The following AMBN variants were observed in gnomAD, a reference collection of about 807,000 sequenced individuals.
AMBN encodes the protein ameloblastin, also known as enamel matrix protein.
AMBN carries 54 observed loss-of-function variants against 48.0 expected under a neutral mutation model. That is an observed-to-expected ratio of 1.12 (90% CI 0.90 to 1.41). The LOEUF (loss-of-function observed/expected upper bound fraction) is 1.41, where lower values mean the gene tolerates loss of function less well. AMBN is among the 40% of genes most tolerant of loss of function. The pLI is 0.00. For missense variants in AMBN, 571 were observed against 547.3 expected (o/e 1.04, Z -0.43); for synonymous variants, 186 against 190.0 (o/e 0.98, Z 0.17).
At chr4:70,598,167 G>C (rs569712208) in intron 3 of AMBN, among the ~76,000 whole-genome samples, 189 bp from the exon 4 acceptor site, 1 of 152,122 alleles carries the variant, frequency 6.6e-6, no homozygotes, top group Non-Finnish European at 1.5e-5. Flanking sequence ...TATTTTAATA[G>C]CAATAATAAT....
rs1321574791 is a variant in AMBN at position 70,603,882 on chromosome 4, C to G, written c.759C>G (p.Ala253=). The part of the protein sequence containing the change: ...YVPFGANQLN[A]PARLGIMSSE... ...CAATATTTCTTTTTGAACAGAATGC[C>G]CCTGCCAGACTTGGCATCATGAGTT... is the stretch of plus-strand genomic sequence containing the variant. The change falls in exon 12 of 13, where the codon GCC becomes GCG. Residue 253 remains alanine (A), a synonymous_variant. Transcript: ENST00000322937. 79 of 1,613,756 alleles carry G rather than the reference C, an allele frequency of 4.9e-5. No individual in the cohort carries two copies. The highest frequency in any genetic ancestry group is 1.6e-4 in the Middle Eastern group (1 of 6,082).
In AMBN at chr4:70,599,571, T is replaced by C. The variant is rs1737470776; in HGVS notation, c.219T>C (p.Ser73=). 3.7e-6 allele frequency: 6 copies of C among 1,613,532 alleles called. No homozygotes were observed. Among genetic ancestry groups the C allele is most frequent in the Non-Finnish European group, 5.1e-6 (6 of 1,179,720 alleles). Residue 73 remains serine, a synonymous_variant, in exon 5 of 13, where the codon TCT becomes TCC. Coordinates refer to ENST00000322937, the MANE Select transcript of AMBN (RefSeq NM_016519.6). ...ACGGCTTTGGAAAATCATTTAATTC[T>C]TTGTGGATGCACGGTCTCCTCCCAC... The part of the protein sequence containing the change: ...SRYGFGKSFN[S]LWMHGLLPPH...
rs142316020 is a variant in AMBN, at chr4:70,592,267, AGCAAGTCCCAC to A, written c.-88_-78del. 0.031 allele frequency: 39,631 copies of A among 1,294,336 alleles called. 662 individuals are homozygous for A. The highest frequency in any genetic ancestry group is 0.036 in the Non-Finnish European group (32,074 of 898,420). 80.2% of individuals were successfully genotyped at this position (1,294,336 alleles called of 1,614,324 possible). On this transcript the variant is annotated 5_prime_UTR_variant, in exon 1 of 13. Transcript: ENST00000322937. ...AATCTTCCCTGAATGAGAAGTACAG[AGCAAGTCCCAC>A]GCACAGTCCTGAAAAAAATTTTAAT...
chr4:70,603,393 G>A, intron 10 of AMBN, 23 bp from the exon 11 acceptor site: 2 of 1,613,426 alleles, frequency 1.2e-6, no homozygotes, highest in Non-Finnish European at 1.7e-6. Context: ...TGCATTTTGT[G>A]ATAATGATTG....
At chr4:70,603,596 A>G in intron 11 of AMBN, 136 bp downstream of exon 11, 2 of 930,980 alleles carry the variant, frequency 2.1e-6, no homozygotes, top group Non-Finnish European at 3.2e-6. Context: ...TGAAATATTA[A>G]GGAGGCAAAC....
rs766064153 is a variant in AMBN, at chr4:70,606,173, T to G, written c.799-12T>G. Reference sequence around the variant, plus strand: ...TGATGATGGCATCTTTGACGAATGTTTTTTTTTCCAGGGCGGGAGAGAAGA... The same window carrying G: ...TGATGATGGCATCTTTGACGAATGTGTTTTTTTCCAGGGCGGGAGAGAAGA... On this transcript the variant is annotated splice_polypyrimidine_tract_variant and intron_variant, in intron 12 of 12. Coordinates refer to ENST00000322937, the MANE Select transcript of AMBN (RefSeq NM_016519.6). 47 of 1,612,006 alleles carry G rather than the reference T, an allele frequency of 2.9e-5. No homozygotes were observed. Among genetic ancestry groups the G allele is most frequent in the Admixed American group, 6.7e-5 (4 of 59,804 alleles).
intron 1 of AMBN, 134 bp downstream of exon 1, chr4:70,592,507 C>A: frequency 2.1e-6 from 2 of 952,066 alleles, no homozygotes; most frequent in East Asian, 5.2e-5. Context: ...AATCCATTAG[C>A]ATGTCCCAGA....
chr4:70,605,525 A>AAG (rs1207380143), intron 12 of AMBN, among the ~76,000 whole-genome samples: 1 of 152,202 alleles, frequency 6.6e-6, no homozygotes, highest in East Asian at 1.9e-4. Context: ...AAGGTAGAAA[A>AAG]AGAAACATGG....
rs758388637 is a variant in AMBN at position 70,606,206 on chromosome 4, G to T, written c.820G>T (p.Ala274Ser). The T allele has an allele frequency of 5.0e-6, 8 of 1,614,076 alleles. No homozygotes were observed. In the Admixed American group the frequency reaches 8.3e-5, roughly 17 times the overall value. ...EVAGGREDPMAYGAMFPGFGG... is the reference protein window; with the variant it reads ...EVAGGREDPMSYGAMFPGFGG... Reference sequence around the variant, plus strand: ...CCAGGGCGGGAGAGAAGACCCAATGGCCTATGGAGCCATGTTTCCAGGATT... The same window carrying T: ...CCAGGGCGGGAGAGAAGACCCAATGTCCTATGGAGCCATGTTTCCAGGATT... Residue 274 changes from alanine to serine, a missense_variant, in exon 13 of 13, where the codon GCC becomes TCC. Transcript: ENST00000322937.
chr4:70,602,872 T>C, intron 8 of AMBN, 36 bp downstream of exon 8: 5 of 1,533,066 alleles, frequency 3.3e-6, no homozygotes, highest in Non-Finnish European at 4.4e-6. Context: ...TTCTATTTTT[T>C]ATTTTTATTT....
At chr4:70,598,628 A>G (rs1317065377) in intron 4 of AMBN, among the ~76,000 whole-genome samples, 3 of 151,972 alleles carry the variant, frequency 2.0e-5, no homozygotes, top group Admixed American at 2.0e-4. Context: ...TGCATTATTA[A>G]TTTTATTATG....
chr4:70,597,260 T>G (rs190311485), intron 3 of AMBN, among the ~76,000 whole-genome samples: 78 of 152,296 alleles, frequency 5.1e-4, no homozygotes, highest in African/African-American at 1.9e-3. Context: ...TTTTAGAACA[T>G]TGTTTCTATG....
At position 70,606,263 on chromosome 4, in the gene AMBN, C is replaced by A. The variant is rs200796492; in HGVS notation, c.877C>A (p.Pro293Thr). The part of the protein sequence containing the change: ...GGMRPGFEGM[P>T]HNPAMGGDFT... Reference sequence around the variant, plus strand: ...CATGAGGCCCGGCTTTGAGGGAATGCCCCACAACCCAGCTATGGGCGGTGA... The same window carrying A: ...CATGAGGCCCGGCTTTGAGGGAATGACCCACAACCCAGCTATGGGCGGTGA... Residue 293 changes from proline (P) to threonine (T), a missense_variant, in exon 13 of 13, where the codon CCC (proline) becomes ACC (threonine). Pro to Thr is a conservative substitution (Grantham distance 38). Coordinates refer to ENST00000322937, the MANE Select transcript of AMBN (RefSeq NM_016519.6). 2.5e-6 allele frequency: 4 copies of A among 1,614,098 alleles called. No homozygotes were observed. Among genetic ancestry groups the A allele is most frequent in the Non-Finnish European group, 2.5e-6 (3 of 1,180,012 alleles).
chr4:70,602,538 C>T (rs1737541348), intron 6 of AMBN, 86 bp from the exon 7 acceptor site: 1 of 964,554 alleles, frequency 1.0e-6, no homozygotes, highest in Admixed American at 2.4e-5. Flanking sequence ...GATCAGTTCA[C>T]TTTGTCTATT....
At chr4:70,605,823 G>A (rs536318071) in intron 12 of AMBN, among the ~76,000 whole-genome samples, 13 of 152,176 alleles carry the variant, frequency 8.5e-5, no homozygotes, top group Admixed American at 2.6e-4. Flanking sequence ...CAAGATTCTC[G>A]CTCAACAAAT....
Position 70,596,998 on chromosome 4 carries a change from G to A in AMBN, c.85-1G>A, listed in dbSNP as rs2109800640. ...TCAAAATTATTCTTATTTTCATTCA[G>A]TTCTTTCCTCAGCAATCTGGAACAC... On this transcript the variant is annotated splice_acceptor_variant, in intron 2 of 12. Transcript: ENST00000322937. LOFTEE classifies it high-confidence loss of function. 2 of 1,613,176 alleles carry A rather than the reference G, an allele frequency of 1.2e-6. No homozygotes were observed. The highest frequency in any genetic ancestry group is 4.5e-5 in the East Asian group (2 of 44,830).
chr4:70,596,159 G>A (rs1737380858), intron 2 of AMBN, among the ~76,000 whole-genome samples: 1 of 151,742 alleles, frequency 6.6e-6, no homozygotes, highest in Admixed American at 6.6e-5. Flanking sequence ...GCTTGGTGGT[G>A]CACACCTGTA....
chr4:70,597,120 C>T (rs1365767334), intron 3 of AMBN, 71 bp downstream of exon 3: 5 of 1,381,800 alleles, frequency 3.6e-6, no homozygotes, highest in African/African-American at 1.4e-5. Context: ...GAAATATAAT[C>T]GTGTGCTTCT....
chr4:70,599,470 C>A (rs1737467861), intron 4 of AMBN, 66 bp from the exon 5 acceptor site: 1 of 1,199,760 alleles, frequency 8.3e-7, no homozygotes, highest in Non-Finnish European at 1.2e-6. Flanking sequence ...AAAGGAAAAC[C>A]AAATATAACC....
Sources: allele counts gnomAD v4.1 joint callset (sites outside exome capture counted in the v4.1 genomes callset), GRCh38; gene constraint gnomAD v4.1.1; transcripts MANE v1.5; gene names NCBI Gene and HGNC (gene_info 2026-07-23, HGNC 2026-07-21).